Variants in PIEZO2 observed in about 807,000 individuals in gnomAD.
The protein encoded by PIEZO2 is piezo type mechanosensitive ion channel component 2.
In PIEZO2, 172 loss-of-function variants were observed where a neutral mutation model predicts 337.3. The ratio of observed to expected loss-of-function variants is 0.51; its 90% CI spans 0.45 to 0.58. PIEZO2 has a LOEUF of 0.58. Among genes scored for constraint, PIEZO2 ranks in the 20% least tolerant of loss-of-function variants. The probability of loss-of-function intolerance (pLI) is 0.00; values close to 1 mark genes in which losing one functional copy is unlikely to be tolerated. For missense variants in PIEZO2, 3,028 were observed against 3,391.3 expected (o/e 0.89, Z 2.66); for synonymous variants, 1,251 against 1,228.5 (o/e 1.02, Z -0.38).
rs1270487643 is a variant in PIEZO2, at chr18:10,689,724, G to A, written c.7428C>T (p.Ser2476=). The change falls in exon 49 of 56, where the codon TCC becomes TCT. Residue 2476 remains serine, a synonymous_variant. Coordinates refer to ENST00000674853, the MANE Select transcript of PIEZO2 (RefSeq NM_001378183.1). ...AGATGTCCTCCACACAGATCCAGCT[G>A]GACAGGCTCAAAGTTGTGTCCGTCC... The part of the protein sequence containing the change: ...WVWTDTTLSL[S]SWICVEDIYA... The A allele has an allele frequency of 6.2e-7, 1 of 1,614,184 alleles. No homozygotes were observed. The highest frequency in any genetic ancestry group is 1.7e-5 in the Admixed American group (1 of 60,016).
chr18:10,752,815 T>C lies in PIEZO2; in HGVS notation c.3988A>G (p.Ile1330Val). The change falls in exon 28 of 56, where the codon ATC (isoleucine) becomes GTC (valine). Residue 1330 changes from isoleucine (I) to valine (V), a missense_variant. Physicochemically the swap from Ile to Val is conservative, Grantham distance 29. This residue lies in a region of PIEZO2 where 1,925 missense variants were observed against 2,051.9 expected (regional missense o/e 0.94). Coordinates refer to ENST00000674853, the MANE Select transcript of PIEZO2 (RefSeq NM_001378183.1). ...ATCCTGGTGGTCCCAGTGATGAAGA[T>C]GATGGTGAGCACAAACCAGAAGAGG... Reference protein sequence around the residue: ...SYLFWFVLTIIFITGTTRISI... With the variant: ...SYLFWFVLTIVFITGTTRISI... The C allele has an allele frequency of 1.3e-6, 2 of 1,537,116 alleles. No individual in the cohort carries two copies. The highest frequency in any genetic ancestry group is 1.7e-6 in the Non-Finnish European group (2 of 1,146,906).
rs140676548 is a variant in PIEZO2 at position 10,988,238 on chromosome 18, G to T, written c.161-8578C>A. Among the ~76,000 whole-genome samples the T allele has an allele frequency of 6.6e-6, 1 of 152,240 alleles. No individual in the cohort carries two copies. The highest frequency in any genetic ancestry group is 1.9e-4 in the East Asian group (1 of 5,184). ...GATGAAGCAACACAGTGCCATTTTGGAAGCAGAAAGACCAGGGTCTCACCA... is the reference window on the plus strand; with the variant it reads ...GATGAAGCAACACAGTGCCATTTTGTAAGCAGAAAGACCAGGGTCTCACCA... On this transcript the variant is annotated intron_variant, in intron 2 of 55. Coordinates refer to ENST00000674853, the MANE Select transcript of PIEZO2 (RefSeq NM_001378183.1). The surrounding 1 kb of genome is among the most constrained non-coding windows in gnomAD (Gnocchi z 4.8).
intron 4 of PIEZO2, among the ~76,000 whole-genome samples, chr18:10,876,133 C>T (rs1295041563): frequency 6.6e-6 from 1 of 152,186 alleles, no homozygotes; most frequent in Non-Finnish European, 1.5e-5. Flanking sequence ...ATTGTGTTTC[C>T]TTCTTCAGTG....
At chr18:11,087,873 A>T (rs2038959196) in intron 1 of PIEZO2, among the ~76,000 whole-genome samples, 1 of 152,204 alleles carries the variant, frequency 6.6e-6, no homozygotes, top group South Asian at 2.1e-4. Flanking sequence ...CCCTCCAAGC[A>T]CTCACAGAAC....
rs1034341099 is a variant in PIEZO2, at chr18:10,877,835, C to T, written c.330-6420G>A. On this transcript the variant is annotated intron_variant, in intron 4 of 55. Transcript: ENST00000674853. The surrounding 1 kb of genome is among the most constrained non-coding windows in gnomAD (Gnocchi z 5.3). ...ACATTCCTAAGCGTGACAAGGGGCC[C>T]TCCACATCCCAGATCTGGTTTCCCT... Among the ~76,000 whole-genome samples, 1 of 152,192 alleles carries T rather than the reference C, an allele frequency of 6.6e-6. No individual in the cohort carries two copies. Among genetic ancestry groups the T allele is most frequent in the Non-Finnish European group, 1.5e-5 (1 of 68,042 alleles).
At position 10,701,900 on chromosome 18, in the gene PIEZO2, C is replaced by T. The variant is rs62095568; in HGVS notation, c.6441+89G>A. ...CTGGCCCCTCAGCCCCATCACCAAT[C>T]CTGATGTCCAGGTTATCTAGGAAGA... On this transcript the variant is annotated intron_variant, in intron 43 of 55. Coordinates refer to ENST00000674853, the MANE Select transcript of PIEZO2 (RefSeq NM_001378183.1). The T allele has an allele frequency of 0.24, 281,815 of 1,187,938 alleles. 34,116 individuals carry two copies. The highest frequency in any genetic ancestry group is 0.29 in the South Asian group (15,573 of 54,022). The allele number at this position is 1,187,938 out of a possible 1,614,324, so 73.6% of individuals were successfully genotyped here.
chr18:10,944,107 A>T (rs2032873942), intron 3 of PIEZO2, among the ~76,000 whole-genome samples: 1 of 152,206 alleles, frequency 6.6e-6, no homozygotes, highest in Admixed American at 6.5e-5. Flanking sequence ...GACTAATGCA[A>T]TGACAAATGA....
chr18:11,090,115 C>T (rs1202546909), intron 1 of PIEZO2, among the ~76,000 whole-genome samples: 2 of 152,174 alleles, frequency 1.3e-5, no homozygotes, highest in Non-Finnish European at 2.9e-5. Flanking sequence ...GCCTCTTGCT[C>T]AGCTCAGCGC....
chr18:11,108,767 G>T (rs986958078), intron 1 of PIEZO2, among the ~76,000 whole-genome samples: 100 of 152,218 alleles, frequency 6.6e-4, no homozygotes, highest in African/African-American at 2.1e-3. Flanking sequence ...GGTGCGAGGG[G>T]AAATGCTCGT....
At chr18:10,754,793 T>C (rs7227429) in intron 27 of PIEZO2, among the ~76,000 whole-genome samples, 93,513 of 152,032 alleles carry the variant, frequency 0.62, 30,493 homozygotes, top group African/African-American at 0.84. Flanking sequence ...ATATTGAGCC[T>C]CTTATGCTAC....
intron 2 of PIEZO2, among the ~76,000 whole-genome samples, chr18:11,043,243 GCACACACACA>G (rs34125787): frequency 2.1e-4 from 31 of 149,332 alleles, no homozygotes; most frequent in Admixed American, 4.7e-4. Context: ...CCCTTTAAAC[GCACACACACA>G]CACACACACA....
chr18:10,891,988 T>C (rs2042770846), intron 4 of PIEZO2, among the ~76,000 whole-genome samples: 1 of 152,150 alleles, frequency 6.6e-6, no homozygotes, highest in Non-Finnish European at 1.5e-5. Context: ...ATGGGTCCGG[T>C]AAACATTTAG....
rs933892272 is a variant in PIEZO2 at position 11,038,913 on chromosome 18, C to G, written c.160+27214G>C. Among the ~76,000 whole-genome samples the G allele has an allele frequency of 4.7e-4, 71 of 152,246 alleles. No homozygotes were observed. The highest frequency in any genetic ancestry group is 1.6e-3 in the African/African-American group (66 of 41,532). On this transcript the variant is annotated intron_variant, in intron 2 of 55. Coordinates refer to ENST00000674853, the MANE Select transcript of PIEZO2 (RefSeq NM_001378183.1). This position sits in a 1 kb window ranked among gnomAD's most constrained non-coding sequence, Gnocchi z 4.1. The stretch of plus-strand genomic sequence containing the variant: ...AGATAAAAAAGAAGACAGTAAGAAT[C>G]ATGATTTTGAAACCACTGTAGCTTT...
intron 7 of PIEZO2, among the ~76,000 whole-genome samples, chr18:10,838,474 T>C (rs1225021167): frequency 1.3e-5 from 2 of 152,234 alleles, no homozygotes; most frequent in Non-Finnish European, 2.9e-5. Context: ...CAAACATGTC[T>C]TAACTATTTG....
At chr18:10,762,734 A>T in intron 22 of PIEZO2, 109 bp from the exon 23 acceptor site, 1 of 1,382,086 alleles carries the variant, frequency 7.2e-7, no homozygotes, top group Non-Finnish European at 9.7e-7. Flanking sequence ...GATGGGAGGG[A>T]CAGGCCCATT....
chr18:10,692,666 C>G (rs76362658), intron 47 of PIEZO2, among the ~76,000 whole-genome samples: 6,886 of 152,260 alleles, frequency 0.045, 204 homozygotes, highest in Middle Eastern at 0.12. Context: ...CCTACATCAG[C>G]TGAATTGGGA....
chr18:10,791,132 T>A, intron 14 of PIEZO2, 69 bp downstream of exon 14: 1 of 1,411,856 alleles, frequency 7.1e-7, no homozygotes, highest in Non-Finnish European at 9.4e-7. Context: ...GTCTGATGTA[T>A]TTTGGGGCTC....
intron 44 of PIEZO2, 70 bp from the exon 45 acceptor site, chr18:10,697,950 C>A: frequency 6.6e-7 from 1 of 1,524,234 alleles, no homozygotes; most frequent in Non-Finnish European, 8.8e-7. Flanking sequence ...ATCCAAGAAG[C>A]AGAACCCAGA....
rs538354514 is a variant in PIEZO2 at position 10,837,337 on chromosome 18, A to G, written c.917+18016T>C. Among the ~76,000 whole-genome samples the G allele has an allele frequency of 6.6e-6, 1 of 152,356 alleles. No individual in the cohort carries two copies. Among genetic ancestry groups the G allele is most frequent in the African/African-American group, 2.4e-5 (1 of 41,584 alleles). ...AAAAGAAGTCCCCTGTGAGGGGAAC[A>G]CAGCATCTTCTGAGAATACCTTTTC... On this transcript the variant is annotated intron_variant, in intron 7 of 55. Transcript: ENST00000674853. This position sits in a 1 kb window ranked among gnomAD's most constrained non-coding sequence, Gnocchi z 4.4.
Sources: gnomAD v4.1 joint callset for allele counts (sites outside exome capture counted in the v4.1 genomes callset) on GRCh38, gnomAD v4.1.1 for gene constraint, gnomAD v4.1.1 regional missense constraint, Gnocchi (gnomAD v3.1) non-coding constraint, MANE v1.5 for transcripts, NCBI Gene and HGNC (gene_info 2026-07-23, HGNC 2026-07-21) for gene names.